Variants in PLEKHG1 observed in about 807,000 individuals in gnomAD.
The protein encoded by PLEKHG1 is pleckstrin homology domain-containing family G member 1.
Under a neutral mutation model 100.8 loss-of-function variants are expected in PLEKHG1, and 44 were observed. The ratio of observed to expected loss-of-function variants is 0.44; its 90% CI spans 0.34 to 0.56. The LOEUF (loss-of-function observed/expected upper bound fraction) is 0.56. Among genes scored for constraint, PLEKHG1 ranks in the 20% least tolerant of loss-of-function variants. The pLI is 0.01. For missense variants in PLEKHG1, 1,545 were observed against 1,720.9 expected, an observed-to-expected ratio of 0.90 and a Z score of 1.81; for synonymous variants, 640 against 662.5, an observed-to-expected ratio of 0.97 and a Z score of 0.52.
At chr6:150,610,055 C>T (rs1316209384) in intron 1 of PLEKHG1, among the ~76,000 whole-genome samples, 1 of 152,222 alleles carries the variant, frequency 6.6e-6, no homozygotes, top group Non-Finnish European at 1.5e-5. Context: ...GGTATGCCTT[C>T]CTTTCAGCTC....
chr6:150,783,168 C>CT (rs1785417990), intron 3 of PLEKHG1, among the ~76,000 whole-genome samples: 1 of 67,054 alleles, frequency 1.5e-5, no homozygotes, highest in African/African-American at 9.6e-5. Flanking sequence ...GGAAAAAAAA[C>CT]TAAAAAAAAA....
At chr6:150,776,401 G>A (rs1018207890) in intron 3 of PLEKHG1, among the ~76,000 whole-genome samples, 2 of 151,918 alleles carry the variant, frequency 1.3e-5, no homozygotes, top group African/African-American at 2.4e-5. Context: ...GTGCACATGT[G>A]CAGTTGCACA....
intron 3 of PLEKHG1, among the ~76,000 whole-genome samples, chr6:150,709,916 G>T (rs1781182534): frequency 6.6e-6 from 1 of 152,084 alleles, no homozygotes; most frequent in African/African-American, 2.4e-5. Context: ...CTCCCATGTA[G>T]CTGGGACCAC....
In PLEKHG1 at chr6:150,834,727, C is replaced by T. The variant is rs374897160; in HGVS notation, c.3094+2522C>T. ...GCCCCAGGATCTTTTCTCAGCTTTG[C>T]GTCTGGGTCCTTTCTTGACATGGTG... On this transcript the variant is annotated intron_variant, in intron 15 of 15. Transcript: ENST00000358517. 1.1e-4 allele frequency among the ~76,000 whole-genome samples: 16 copies of T among 152,106 alleles called. No individual in the cohort carries two copies. In the East Asian group the frequency reaches 3.1e-3, roughly 29 times the overall value.
chr6:150,809,039 G>A (rs1378609439), intron 7 of PLEKHG1, 66 bp from the exon 9 acceptor site: 1 of 1,383,696 alleles, frequency 7.2e-7, no homozygotes, highest in Non-Finnish European at 1.0e-6. Flanking sequence ...TCAACAGATG[G>A]GCCACCAAGC....
intron 11 of PLEKHG1, among the ~76,000 whole-genome samples, chr6:150,819,410 C>T (rs1035146357): frequency 2.6e-5 from 4 of 151,646 alleles, no homozygotes; most frequent in East Asian, 3.9e-4. Context: ...ACTAAAAATA[C>T]AAAAATTAGT....
intron 10 of PLEKHG1, among the ~76,000 whole-genome samples, chr6:150,815,168 A>G (rs1787791104): frequency 6.6e-6 from 1 of 152,154 alleles, no homozygotes; most frequent in South Asian, 2.1e-4. Context: ...TATTTCTATT[A>G]TTTCTGTGAA....
intron 2 of PLEKHG1, among the ~76,000 whole-genome samples, chr6:150,761,099 CTTTTTTTTTTT>C (rs35068801): frequency 4.2e-5 from 4 of 95,950 alleles, no homozygotes; most frequent in Non-Finnish European, 5.9e-5. Context: ...TTCTTTTTTT[CTTTTTTTTTTT>C]TTTTTTTTTT....
chr6:150,760,903 G>T (rs757061416), intron 2 of PLEKHG1, among the ~76,000 whole-genome samples: 20 of 151,946 alleles, frequency 1.3e-4, no homozygotes, highest in Admixed American at 2.0e-4. Context: ...TTGTAAAAAG[G>T]CCTCTTATAA....
At chr6:150,787,577 A>T (rs950028250) in intron 4 of PLEKHG1, among the ~76,000 whole-genome samples, 2 of 152,366 alleles carry the variant, frequency 1.3e-5, no homozygotes, top group African/African-American at 4.8e-5. Flanking sequence ...AAAGTTCATG[A>T]TGGCGCTTTG....
At chr6:150,681,105 A>G (rs117617197) in intron 3 of PLEKHG1, among the ~76,000 whole-genome samples, 1,536 of 152,304 alleles carry the variant, frequency 0.01, 25 homozygotes, top group South Asian at 0.069. Flanking sequence ...TCTCATATAT[A>G]TGGCCACTGC....
chr6:150,691,179 T>A (rs1192830876), intron 3 of PLEKHG1, among the ~76,000 whole-genome samples: 3 of 152,250 alleles, frequency 2.0e-5, no homozygotes, highest in Non-Finnish European at 2.9e-5. Context: ...AGTTCATTTC[T>A]TTTTATGACT....
In PLEKHG1 at chr6:150,831,606, C is replaced by A. The variant is rs1158106002; in HGVS notation, c.2495C>A (p.Ser832Tyr). The A allele has an allele frequency of 6.2e-7, 1 of 1,614,040 alleles. No individual in the cohort carries two copies. Among genetic ancestry groups the A allele is most frequent in the East Asian group, 2.2e-5 (1 of 44,874 alleles). Reference sequence around the variant, plus strand: ...CATAAGCCTGTATCTGATAAACTGTCCGAAGAAGTAGATGAAATCTGGAAT... The same window carrying A: ...CATAAGCCTGTATCTGATAAACTGTACGAAGAAGTAGATGAAATCTGGAAT... The change falls in exon 15 of 16, where the codon TCC becomes TAC. Residue 832 changes from serine to tyrosine, a missense_variant. Ser to Tyr is a moderately radical substitution (Grantham distance 144, BLOSUM62 -2). Transcript: ENST00000358517. The surrounding 1 kb of genome is among the most constrained non-coding windows in gnomAD (Gnocchi z 4.1).
intron 2 of PLEKHG1, among the ~76,000 whole-genome samples, chr6:150,650,411 G>A (rs1173984207): frequency 6.6e-6 from 1 of 152,220 alleles, no homozygotes; most frequent in African/African-American, 2.4e-5. Flanking sequence ...GTATGTTCAA[G>A]TCTCCTTTTG....
At chr6:150,765,152 CA>C (rs1784394479) in intron 2 of PLEKHG1, among the ~76,000 whole-genome samples, 1 of 152,028 alleles carries the variant, frequency 6.6e-6, no homozygotes, top group Admixed American at 6.6e-5. Flanking sequence ...TTTGGGTAAA[CA>C]GACTACTTTC....
chr6:150,817,746 C>T (rs958102047), intron 10 of PLEKHG1, among the ~76,000 whole-genome samples: 4 of 151,796 alleles, frequency 2.6e-5, no homozygotes, highest in African/African-American at 7.3e-5. Flanking sequence ...TTAGTAGAGA[C>T]GGGGTTTCAC....
intron 15 of PLEKHG1, among the ~76,000 whole-genome samples, chr6:150,837,255 A>G (rs117069817): frequency 0.012 from 1,801 of 152,164 alleles, 16 homozygotes; most frequent in Middle Eastern, 0.041. Context: ...GTGTGTGTGC[A>G]CACACAGGCA....
At chr6:150,606,370 T>C (rs554014978) in intron 1 of PLEKHG1, among the ~76,000 whole-genome samples, 18 of 152,230 alleles carry the variant, frequency 1.2e-4, no homozygotes, top group African/African-American at 4.3e-4. Flanking sequence ...AAATACTCCT[T>C]CTCTCCTCCC....
intron 4 of PLEKHG1, among the ~76,000 whole-genome samples, chr6:150,794,495 A>C (rs902170318): frequency 6.6e-6 from 1 of 152,074 alleles, no homozygotes; most frequent in African/African-American, 2.4e-5. Context: ...GCGAAACCCT[A>C]TCTCTACTAA....
Sources: allele counts gnomAD v4.1 joint callset (sites outside exome capture counted in the v4.1 genomes callset), GRCh38; gene constraint gnomAD v4.1.1; non-coding constraint Gnocchi (gnomAD v3.1); transcripts MANE v1.5; gene names NCBI Gene and HGNC (gene_info 2026-07-23, HGNC 2026-07-21).